Variants in NR3C2 observed in about 807,000 individuals in gnomAD.
NR3C2 encodes the protein nuclear receptor subfamily 3 group C member 2, also known as mineralocorticoid receptor.
Under a neutral mutation model 86.4 loss-of-function variants are expected in NR3C2, and 15 were observed. The observed-to-expected ratio is 0.17, with a 90% CI of 0.12 to 0.27. The LOEUF is 0.27. Among genes scored for constraint, NR3C2 ranks in the 10% least tolerant of loss-of-function variants. The probability of loss-of-function intolerance (pLI) is 1.00; values close to 1 mark genes in which losing one functional copy is unlikely to be tolerated. For missense variants in NR3C2, 960 were observed against 1,195.6 expected, an observed-to-expected ratio of 0.80 and a Z score of 2.91; for synonymous variants, 458 against 450.5, an observed-to-expected ratio of 1.02 and a Z score of -0.21.
intron 4 of NR3C2, among the ~76,000 whole-genome samples, chr4:148,155,935 C>T (rs1377251470): frequency 2.0e-5 from 3 of 152,128 alleles, no homozygotes; most frequent in Admixed American, 6.5e-5. Flanking sequence ...TGGAACAGAA[C>T]AGAGCCCTCA....
At chr4:148,256,366 A>G (rs1229964456) in intron 3 of NR3C2, among the ~76,000 whole-genome samples, 1 of 152,234 alleles carries the variant, frequency 6.6e-6, no homozygotes, top group Non-Finnish European at 1.5e-5. Context: ...TATCATTTAC[A>G]TCATCTCTCT....
chr4:148,115,889 AT>A (rs546533066), intron 7 of NR3C2, among the ~76,000 whole-genome samples: 1 of 152,172 alleles, frequency 6.6e-6, no homozygotes, highest in Non-Finnish European at 1.5e-5. Context: ...AACAAATAGT[AT>A]TTTTTTCTCC....
At chr4:148,150,879 G>A (rs1734071878) in intron 6 of NR3C2, among the ~76,000 whole-genome samples, 4 of 152,142 alleles carry the variant, frequency 2.6e-5, no homozygotes. Flanking sequence ...GATGAACATT[G>A]AAAACATTAG....
intron 4 of NR3C2, among the ~76,000 whole-genome samples, chr4:148,175,273 C>T (rs1278071685): frequency 2.0e-5 from 3 of 152,144 alleles, no homozygotes; most frequent in Non-Finnish European, 4.4e-5. Flanking sequence ...ACCCTTGGAG[C>T]AGCGGTTCCT....
intron 6 of NR3C2, among the ~76,000 whole-genome samples, chr4:148,135,187 TATTGTCACTTA>T (rs1323335201): frequency 1.3e-5 from 2 of 152,194 alleles, no homozygotes; most frequent in African/African-American, 4.8e-5. Context: ...AAAATTCATA[TATTGTCACTTA>T]ATTGTCAATG....
chr4:148,201,558 T>C (rs573849678), intron 3 of NR3C2, among the ~76,000 whole-genome samples: 2 of 152,300 alleles, frequency 1.3e-5, no homozygotes, highest in East Asian at 1.9e-4. Flanking sequence ...TACAGACATA[T>C]AGGTTGGTCC....
At chr4:148,229,509 C>T (rs962263977) in intron 3 of NR3C2, among the ~76,000 whole-genome samples, 7 of 152,100 alleles carry the variant, frequency 4.6e-5, no homozygotes, top group African/African-American at 7.2e-5. Context: ...AATTTTGGAA[C>T]TGGAAAGGGT....
intron 2 of NR3C2, among the ~76,000 whole-genome samples, chr4:148,365,550 A>C (rs1342902571): frequency 6.6e-6 from 1 of 152,190 alleles, no homozygotes; most frequent in African/African-American, 2.4e-5. Context: ...ATTACTGAGA[A>C]ATCAATCAGA....
In NR3C2 at chr4:148,363,651, C is replaced by G. The variant is rs372441747; in HGVS notation, c.1757+71453G>C. 3.4e-4 allele frequency among the ~76,000 whole-genome samples: 52 copies of G among 151,932 alleles called. No homozygotes were observed. The East Asian group carries it at 7.8e-3, about 23-fold the overall frequency. On this transcript the variant is annotated intron_variant, in intron 2 of 8. Transcript: ENST00000358102. The stretch of plus-strand genomic sequence containing the variant: ...CCTGAGTAGCTGGGACTACAGGTGC[C>G]CACCACCACGCCCGGCTAATGTTTT...
intron 3 of NR3C2, among the ~76,000 whole-genome samples, chr4:148,241,162 T>A (rs553692879): frequency 5.3e-5 from 8 of 151,230 alleles, no homozygotes; most frequent in Admixed American, 4.6e-4. Context: ...AAAAATTAGC[T>A]AGGCATGGTG....
chr4:148,368,621 T>C (rs1282329410), intron 2 of NR3C2, among the ~76,000 whole-genome samples: 1 of 152,092 alleles, frequency 6.6e-6, no homozygotes, highest in Admixed American at 6.6e-5. Context: ...GTCTGGAACT[T>C]TACATCAATA....
At position 148,298,657 on chromosome 4, in the gene NR3C2, C is replaced by A. The variant is rs1742178602; in HGVS notation, c.1758-38540G>T. 3.3e-5 allele frequency among the ~76,000 whole-genome samples: 5 copies of A among 152,178 alleles called. No homozygotes were observed. The South Asian group carries it at 1.0e-3, about 32-fold the overall frequency. ...AGTAATCACAAAAGAGTGCTTTCTG[C>A]AGAACTACTACTCCTTATTAGTCTC... is the stretch of plus-strand genomic sequence containing the variant. On this transcript the variant is annotated intron_variant, in intron 2 of 8. Transcript: ENST00000358102.
At chr4:148,381,581 C>T (rs1746993169) in intron 2 of NR3C2, among the ~76,000 whole-genome samples, 1 of 152,162 alleles carries the variant, frequency 6.6e-6, no homozygotes, top group African/African-American at 2.4e-5. Context: ...AACAAGACAT[C>T]TGTGCAATAA....
chr4:148,174,270 T>A (rs1196942029), intron 4 of NR3C2, among the ~76,000 whole-genome samples: 3 of 152,206 alleles, frequency 2.0e-5, no homozygotes, highest in African/African-American at 7.2e-5. Context: ...TAGAGTATTT[T>A]AATCGAATCT....
chr4:148,412,743 T>C (rs1748767997), intron 2 of NR3C2, among the ~76,000 whole-genome samples: 2 of 152,186 alleles, frequency 1.3e-5, no homozygotes, highest in South Asian at 4.1e-4. Context: ...TTTTAATCTG[T>C]GACTGAAATC....
chr4:148,366,571 C>A (rs1419975439), intron 2 of NR3C2, among the ~76,000 whole-genome samples: 1 of 10,938 alleles, frequency 9.1e-5, no homozygotes, highest in Non-Finnish European at 2.1e-4. Context: ...ACACAAGTAC[C>A]AATTCAACAA....
chr4:148,157,235 T>A (rs572882584), intron 4 of NR3C2, among the ~76,000 whole-genome samples: 1 of 151,142 alleles, frequency 6.6e-6, no homozygotes, highest in Non-Finnish European at 1.5e-5. Flanking sequence ...CAGCACACCA[T>A]CATGGCACAT....
At chr4:148,182,139 G>A (rs1253503943) in intron 4 of NR3C2, among the ~76,000 whole-genome samples, 4 of 152,192 alleles carry the variant, frequency 2.6e-5, no homozygotes, top group South Asian at 2.1e-4. Context: ...AGAAGAAGGC[G>A]GGTAAAAGAA....
rs530093744 is a variant in NR3C2 at position 148,266,158 on chromosome 4, C to T, written c.1758-6041G>A. Among the ~76,000 whole-genome samples the T allele has an allele frequency of 1.5e-4, 22 of 151,280 alleles. No homozygotes were observed. In the South Asian group the frequency reaches 1.9e-3, roughly 13 times the overall value. On this transcript the variant is annotated intron_variant, in intron 2 of 8. Transcript: ENST00000358102. ...TGTGATCTTGGCTCACTGCAACCTC[C>T]GCCTCCCGGGTTCAAGCGATTCTCC...
Sources: allele counts gnomAD v4.1 joint callset (sites outside exome capture counted in the v4.1 genomes callset), GRCh38; gene constraint gnomAD v4.1.1; transcripts MANE v1.5; gene names NCBI Gene and HGNC (gene_info 2026-07-23, HGNC 2026-07-21).